The following XK variants were observed in gnomAD, a reference collection of about 807,000 sequenced individuals.
XK encodes the protein X-linked Kx blood group antigen, Kell and VPS13A binding protein, also known as endoplasmic reticulum membrane adapter protein XK.
A neutral mutation model predicts 14.0 loss-of-function variants in XK; 2 were observed. The ratio of observed to expected loss-of-function variants is 0.14; its 90% confidence interval spans 0.06 to 0.45. The LOEUF (loss-of-function observed/expected upper bound fraction) is 0.45. Ranked by LOEUF, XK falls within the 20% of genes least tolerant of loss-of-function variation. The pLI is 0.98. For missense variants in XK, 235 were observed against 341.5 expected, an observed-to-expected ratio of 0.69 and a Z score of 2.46; for synonymous variants, 149 against 147.5, an observed-to-expected ratio of 1.01 and a Z score of -0.08.
intron 1 of XK, among the ~76,000 whole-genome samples, 199 bp downstream of exon 1, chrX:37,686,405 G>A (rs1427614037): frequency 8.9e-6 from 1 of 112,366 alleles, no homozygotes; most frequent in Non-Finnish European, 1.9e-5. Context: ...TAAAGTTGGG[G>A]CACACTGAAT....
At chrX:37,726,543 T>C (rs1372355000) in intron 2 of XK, among the ~76,000 whole-genome samples, 2 of 111,473 alleles carry the variant, frequency 1.8e-5, no homozygotes, top group Non-Finnish European at 3.8e-5. Context: ...TAGTAAGTGA[T>C]TATATTTCAG....
rs1256363825 is a variant in XK, at chrX:37,714,167, A to G, written c.509-13469A>G. On this transcript the variant is annotated intron_variant, in intron 2 of 2. Transcript: ENST00000378616. Reference sequence around the variant, plus strand: ...GGTAGAAGGGACCTAAGAGATCATCATGTTTGATTTTGCACACTCTGTAGA... The same window carrying G: ...GGTAGAAGGGACCTAAGAGATCATCGTGTTTGATTTTGCACACTCTGTAGA... Among the ~76,000 whole-genome samples the G allele has an allele frequency of 5.4e-5, 6 of 111,555 alleles. No individual in the cohort carries two copies. The Admixed American group carries it at 5.7e-4, about 11-fold the overall frequency.
intron 2 of XK, among the ~76,000 whole-genome samples, chrX:37,725,284 T>C (rs2146833078): frequency 8.9e-6 from 1 of 111,807 alleles, no homozygotes; most frequent in East Asian, 2.8e-4. Context: ...TAATAATACC[T>C]GAAATTTGCT....
chrX:37,721,865 A>G (rs1180264695), intron 2 of XK, among the ~76,000 whole-genome samples: 2 of 111,718 alleles, frequency 1.8e-5, no homozygotes, highest in Non-Finnish European at 3.8e-5. Flanking sequence ...ATTTGGCCAT[A>G]AAAAGGAATG....
rs142023402 is a variant in XK, at chrX:37,697,789, A to T, written c.508+3241A>T. Among the ~76,000 whole-genome samples the T allele has an allele frequency of 2.7e-5, 3 of 112,070 alleles. No individual in the cohort carries two copies. In the Admixed American group the frequency reaches 2.8e-4, roughly 11 times the overall value. On this transcript the variant is annotated intron_variant, in intron 2 of 2. Transcript: ENST00000378616. ...TTTAGAACATTTTCATCACACCAAA[A>T]ATAAGTCCCCTATTCATTAACAGTC...
intron 1 of XK, among the ~76,000 whole-genome samples, chrX:37,687,229 A>G (rs1239872994): frequency 9.6e-6 from 1 of 104,039 alleles, no homozygotes; most frequent in Non-Finnish European, 1.9e-5. Flanking sequence ...ACACACACGC[A>G]CACACACACA....
chrX:37,696,841 C>T (rs1172684583), intron 2 of XK, among the ~76,000 whole-genome samples: 2 of 112,113 alleles, frequency 1.8e-5, no homozygotes. Context: ...CATTTCCAAC[C>T]ATCATAGCTA....
intron 2 of XK, among the ~76,000 whole-genome samples, chrX:37,721,894 C>T (rs973686305): frequency 9.0e-6 from 1 of 111,229 alleles, no homozygotes; most frequent in Non-Finnish European, 1.9e-5. Context: ...ATACATGCTA[C>T]AACATGGATG....
rs781908570 is a variant in XK at position 37,731,335 on chromosome X, G to C, written c.*2873G>C. On this transcript the variant is annotated 3_prime_UTR_variant, in exon 3 of 3. Transcript: ENST00000378616. ...ATGTCTTCAAAATATATTGAAGTAA[G>C]TTCATCAAACATGTTTAGACTTCCT... The C allele has an allele frequency of 8.9e-6, 1 of 112,005 alleles. No individual in the cohort carries two copies. The highest frequency in any genetic ancestry group is 3.7e-4 in the South Asian group (1 of 2,718). The allele number at this position is 112,005 out of a possible 1,213,427, so 9.2% of individuals were successfully genotyped here.
chrX:37,690,543 TA>T (rs1254807674), intron 1 of XK, among the ~76,000 whole-genome samples: 11 of 111,829 alleles, frequency 9.8e-5, no homozygotes, highest in African/African-American at 3.6e-4. Context: ...TGGGATAAAG[TA>T]AAAAATAAGG....
At chrX:37,710,503 A>G (rs892071965) in intron 2 of XK, among the ~76,000 whole-genome samples, 2 of 111,937 alleles carry the variant, frequency 1.8e-5, no homozygotes, top group Non-Finnish European at 3.8e-5. Flanking sequence ...AAGGAAATGA[A>G]CAGATGTTAT....
chrX:37,703,755 T>A (rs1927459187), intron 2 of XK, among the ~76,000 whole-genome samples: 2 of 111,041 alleles, frequency 1.8e-5, no homozygotes, highest in Non-Finnish European at 3.8e-5. Flanking sequence ...GAAAAAGGGG[T>A]CTCAAAAGAG....
At chrX:37,687,635 C>T (rs1390135352) in intron 1 of XK, among the ~76,000 whole-genome samples, 1 of 110,268 alleles carries the variant, frequency 9.1e-6, no homozygotes, top group African/African-American at 3.3e-5. Context: ...GCTGGAATTA[C>T]AGGCATGAGC....
In XK at chrX:37,685,986, G is replaced by T; in HGVS notation, c.25G>T (p.Ala9Ser). The T allele has an allele frequency of 8.3e-7, 1 of 1,207,623 alleles. No homozygotes were observed. Among genetic ancestry groups the T allele is most frequent in the Non-Finnish European group, 1.1e-6 (1 of 894,089 alleles). MKFPASVL[A>S]SVFLFVAETT... ...GATGAAATTCCCGGCCTCGGTGCTGGCGTCCGTGTTCCTGTTCGTGGCCGA... is the reference window on the plus strand; with the variant it reads ...GATGAAATTCCCGGCCTCGGTGCTGTCGTCCGTGTTCCTGTTCGTGGCCGA... The change falls in exon 1 of 3, where the codon GCG (alanine) becomes TCG (serine). Residue 9 changes from alanine (A) to serine (S), a missense_variant. By Grantham distance (99) the Ala-to-Ser change is moderately conservative (BLOSUM62 1). Coordinates refer to ENST00000378616, the MANE Select transcript of XK (RefSeq NM_021083.4).
intron 2 of XK, among the ~76,000 whole-genome samples, chrX:37,711,097 T>C (rs1556446625): frequency 1.8e-5 from 2 of 112,160 alleles, no homozygotes; most frequent in Non-Finnish European, 3.8e-5. Flanking sequence ...TTTAAATCCA[T>C]GGATGTGTTT....
At chrX:37,717,277 C>G (rs1024311451) in intron 2 of XK, among the ~76,000 whole-genome samples, 4 of 111,539 alleles carry the variant, frequency 3.6e-5, no homozygotes. Flanking sequence ...GAAGAGCCTA[C>G]TGGTTAAGGC....
At chrX:37,687,705 A>G (rs1556440578) in intron 1 of XK, among the ~76,000 whole-genome samples, 1 of 111,268 alleles carries the variant, frequency 9.0e-6, no homozygotes, top group African/African-American at 3.3e-5. Flanking sequence ...TCCAGCTGAC[A>G]CACAAACTAC....
At chrX:37,707,654 C>T (rs1927567207) in intron 2 of XK, among the ~76,000 whole-genome samples, 1 of 110,546 alleles carries the variant, frequency 9.0e-6, no homozygotes, top group East Asian at 2.9e-4. Context: ...AATGGGCGGC[C>T]GGGCAGAGAC....
chrX:37,691,665 T>C (rs1357864734), intron 1 of XK, among the ~76,000 whole-genome samples: 1 of 112,541 alleles, frequency 8.9e-6, no homozygotes, highest in East Asian at 2.8e-4. Context: ...TTTATATGTA[T>C]GTGTGGGTAT....
Sources: gnomAD v4.1 joint callset for allele counts (sites outside exome capture counted in the v4.1 genomes callset) on GRCh38, gnomAD v4.1.1 for gene constraint, MANE v1.5 for transcripts, NCBI Gene and HGNC (gene_info 2026-07-23, HGNC 2026-07-21) for gene names.